The following CAPN8 variants were observed in gnomAD, a reference collection of about 807,000 sequenced individuals.
CAPN8 encodes the protein calpain 8.
CAPN8 carries 87 observed loss-of-function variants against 80.9 expected under a neutral mutation model. That is an observed-to-expected ratio of 1.07 (90% CI 0.90 to 1.28). CAPN8 has a LOEUF of 1.28. Ranked by LOEUF, CAPN8 falls within the 50% of genes most tolerant of loss-of-function variation. The probability of loss-of-function intolerance (pLI) is 0.00; values close to 1 mark genes in which losing one functional copy is unlikely to be tolerated. For missense variants in CAPN8, 757 were observed against 702.0 expected (o/e 1.08, Z -0.89); for synonymous variants, 299 against 273.8 (o/e 1.09, Z -0.91).
Position 223,551,155 on chromosome 1 carries a change from T to G in CAPN8, c.1642-138A>C, listed in dbSNP as rs970740938. 1.5e-5 allele frequency: 9 copies of G among 596,128 alleles called. No individual in the cohort carries two copies. The Admixed American group carries it at 2.0e-4, about 14-fold the overall frequency. The allele number at this position is 596,128 out of a possible 1,614,324, so 36.9% of individuals were successfully genotyped here. On this transcript the variant is annotated intron_variant, in intron 14 of 20. Transcript: ENST00000366872. ...AGGTTTATTTGTTTTTGTTTTTTGTTTTTTTTTGAGACAGTCTTACTCTGT... is the reference window on the plus strand; with the variant it reads ...AGGTTTATTTGTTTTTGTTTTTTGTGTTTTTTTGAGACAGTCTTACTCTGT...
At chr1:223,552,559 CAAAA>C (rs1167143421) in intron 14 of CAPN8, among the ~76,000 whole-genome samples, 29 of 65,664 alleles carry the variant, frequency 4.4e-4, no homozygotes, top group African/African-American at 1.5e-3. Flanking sequence ...CAGTCCATCT[CAAAA>C]AAAAAAAAAA....
chr1:223,547,305 T>C lies in CAPN8; in HGVS notation c.1765-2006A>G, dbSNP rs188025166. ...TAACACCCCATGGGTGATAAAGTAC[T>C]GATACATGCTATAGTAATTGAAACA... is the stretch of plus-strand genomic sequence containing the variant. On this transcript the variant is annotated intron_variant, in intron 16 of 20. Coordinates refer to ENST00000366872, the MANE Select transcript of CAPN8 (RefSeq NM_001143962.2). 1.2e-3 allele frequency among the ~76,000 whole-genome samples: 179 copies of C among 152,344 alleles called. 1 individual carries two copies. The highest frequency in any genetic ancestry group is 0.01 in the Middle Eastern group (3 of 294).
Position 223,628,725 on chromosome 1 carries a change from A to T in CAPN8, c.363T>A (p.Leu121=). ...IASLTLNEEL[L]YRVVPRDQDF... ...CCTGGTCCCTGGGGACCACCCGGTA[A>T]AGCAGCTCTTCATTCAGGGTCAGGG... The change falls in exon 3 of 21, where the codon CTT becomes CTA. Residue 121 remains leucine (L), a synonymous_variant. Transcript: ENST00000366872. 6.4e-7 allele frequency: 1 copy of T among 1,552,468 alleles called. No individual in the cohort carries two copies. Among genetic ancestry groups the T allele is most frequent in the Non-Finnish European group, 8.7e-7 (1 of 1,147,476 alleles).
At chr1:223,627,193 C>T (rs1183789230) in intron 4 of CAPN8, 36 bp from the exon 5 acceptor site, 1 of 1,548,350 alleles carries the variant, frequency 6.5e-7, no homozygotes, top group East Asian at 2.4e-5. Context: ...TCCATTAGCA[C>T]CCTCAGCAAG....
intron 3 of CAPN8, 43 bp downstream of exon 3, chr1:223,628,619 A>C (rs1052660612): frequency 2.1e-6 from 3 of 1,453,972 alleles, no homozygotes; most frequent in Non-Finnish European, 2.8e-6. Flanking sequence ...GAGCCCTAAG[A>C]ATACGGAAAA....
chr1:223,548,571 C>T (rs1656695201), intron 16 of CAPN8, among the ~76,000 whole-genome samples: 2 of 152,296 alleles, frequency 1.3e-5, no homozygotes, highest in East Asian at 3.9e-4. Flanking sequence ...AGGAAACTCC[C>T]TCACCCCATC....
intron 13 of CAPN8, 30 bp from the exon 14 acceptor site, chr1:223,553,930 A>T (rs1029274550): frequency 5.0e-6 from 2 of 398,548 alleles, no homozygotes; most frequent in Non-Finnish European, 8.8e-6. Context: ...CAAAGTTAAA[A>T]TGGGAATCGT....
At chr1:223,640,706 C>T (rs930607103) in intron 2 of CAPN8, among the ~76,000 whole-genome samples, 1 of 152,114 alleles carries the variant, frequency 6.6e-6, no homozygotes, top group Non-Finnish European at 1.5e-5. Flanking sequence ...CTATAAAGGA[C>T]CCTCTTTCTC....
At chr1:223,633,877 T>C (rs1240396541) in intron 2 of CAPN8, among the ~76,000 whole-genome samples, 3 of 152,178 alleles carry the variant, frequency 2.0e-5, no homozygotes, top group Non-Finnish European at 4.4e-5. Flanking sequence ...ATGGAGATAC[T>C]TCTGGACTGC....
rs947044084 is a variant in CAPN8 at position 223,663,512 on chromosome 1, C to A, written c.237+1898G>T. Among the ~76,000 whole-genome samples, 5 of 152,192 alleles carry A rather than the reference C, an allele frequency of 3.3e-5. No homozygotes were observed. In the East Asian group the frequency reaches 5.8e-4, roughly 18 times the overall value. ...TCCTTTATTCACACCTGTGTCTCCC[C>A]ACACTTTCCATCAGAGCTGAGACCA... On this transcript the variant is annotated intron_variant, in intron 1 of 20. Transcript: ENST00000366872.
intron 1 of CAPN8, among the ~76,000 whole-genome samples, chr1:223,658,230 G>T (rs948360081): frequency 6.6e-6 from 1 of 152,042 alleles, no homozygotes; most frequent in African/African-American, 2.4e-5. Context: ...GTGTCACATT[G>T]CTCATTTTTC....
intron 9 of CAPN8, among the ~76,000 whole-genome samples, chr1:223,618,558 C>T (rs982667132): frequency 2.0e-5 from 3 of 152,230 alleles, no homozygotes; most frequent in African/African-American, 7.2e-5. Context: ...GTTCCCCTAG[C>T]GCACCATCAG....
rs868677720 is a variant in CAPN8, at chr1:223,625,820, G to T, written c.798C>A (p.Val266=). The change falls in exon 6 of 21, where the codon GTC becomes GTA. Residue 266 remains valine, a synonymous_variant. Coordinates refer to ENST00000366872, the MANE Select transcript of CAPN8 (RefSeq NM_001143962.2). ...ACAATTTTACCTCTTCGACTCCAGT[G>T]ACAGAGTACGCATGACTCTTAACCA... The part of the protein sequence containing the change: ...QKLVKSHAYS[V]TGVEEVNFQG... 6.4e-7 allele frequency: 1 copy of T among 1,550,502 alleles called. No individual in the cohort carries two copies. The highest frequency in any genetic ancestry group is 1.7e-4 in the Middle Eastern group (1 of 5,988).
At chr1:223,610,230 C>A (rs1656997282) in intron 11 of CAPN8, among the ~76,000 whole-genome samples, 1 of 152,160 alleles carries the variant, frequency 6.6e-6, no homozygotes, top group African/African-American at 2.4e-5. Flanking sequence ...AATGTCCACC[C>A]CAGAGTGGAC....
chr1:223,625,927 A>T (rs1572240831), intron 5 of CAPN8, 39 bp from the exon 6 acceptor site: 1 of 1,504,022 alleles, frequency 6.6e-7, no homozygotes, highest in Non-Finnish European at 9.0e-7. Flanking sequence ...GCTGACCCTG[A>T]CCTCTCAGGG....
At chr1:223,612,856 T>C (rs1657066570) in intron 10 of CAPN8, among the ~76,000 whole-genome samples, 1 of 152,202 alleles carries the variant, frequency 6.6e-6, no homozygotes, top group African/African-American at 2.4e-5. Context: ...AGAGAGGAGA[T>C]GTGGAAAGAA....
chr1:223,662,160 G>A (rs113986002), intron 1 of CAPN8, among the ~76,000 whole-genome samples: 18 of 152,234 alleles, frequency 1.2e-4, no homozygotes, highest in Admixed American at 3.3e-4. Context: ...AGAAACTGGG[G>A]AGAAGGGCCA....
chr1:223,634,847 C>T (rs1028575663), intron 2 of CAPN8, among the ~76,000 whole-genome samples: 12 of 152,124 alleles, frequency 7.9e-5, no homozygotes, highest in Admixed American at 3.3e-4. Context: ...ATATGAATGG[C>T]GGGAGCGGGG....
chr1:223,613,974 T>C (rs1657100926), intron 10 of CAPN8, among the ~76,000 whole-genome samples: 1 of 152,258 alleles, frequency 6.6e-6, no homozygotes, highest in Admixed American at 6.5e-5. Flanking sequence ...CACACTGGAA[T>C]ATTTTATAAG....
Sources: gnomAD v4.1 joint callset for allele counts (sites outside exome capture counted in the v4.1 genomes callset) on GRCh38, gnomAD v4.1.1 for gene constraint, MANE v1.5 for transcripts, NCBI Gene and HGNC (gene_info 2026-07-23, HGNC 2026-07-21) for gene names.